SPINK5: variants seen among roughly 807,000 people sequenced by gnomAD.
SPINK5 encodes serine protease inhibitor Kazal-type 5.
A neutral mutation model predicts 151.8 loss-of-function variants in SPINK5; 125 were observed. The ratio of observed to expected loss-of-function variants is 0.82; its 90% CI spans 0.71 to 0.96. SPINK5 has a LOEUF of 0.96. Ranked by LOEUF, SPINK5 falls within the 40% of genes least tolerant of loss-of-function variation. SPINK5 has a pLI of 0.00. For missense variants in SPINK5, 1,194 were observed against 1,291.9 expected (o/e 0.92, Z 1.16); for synonymous variants, 374 against 395.3 (o/e 0.95, Z 0.64).
intron 4 of SPINK5, among the ~76,000 whole-genome samples, chr5:148,073,557 C>T (rs1752796257): frequency 6.6e-6 from 1 of 151,658 alleles, no homozygotes; most frequent in Admixed American, 6.6e-5. Context: ...CATCCATTCT[C>T]CTCTTCCTCC....
At chr5:148,066,538 T>A (rs1055768992) in intron 2 of SPINK5, among the ~76,000 whole-genome samples, 4 of 152,160 alleles carry the variant, frequency 2.6e-5, no homozygotes, top group African/African-American at 9.6e-5. Flanking sequence ...TTAAAGAAAC[T>A]TCTTACATGA....
At chr5:148,136,894 TTTGA>T in intron 32 of SPINK5, 85 bp from the exon 33 acceptor site, 1 of 1,517,322 alleles carries the variant, frequency 6.6e-7, no homozygotes, top group Non-Finnish European at 9.1e-7. Flanking sequence ...TATGGATTTC[TTTGA>T]TTAAGATGCA....
chr5:148,107,910 G>GA (rs1459211909), intron 17 of SPINK5, among the ~76,000 whole-genome samples: 1 of 152,090 alleles, frequency 6.6e-6, no homozygotes, highest in African/African-American at 2.4e-5. Context: ...TAAATGCCGA[G>GA]AAAAACGCTT....
In SPINK5 at chr5:148,114,368, T is replaced by G. The variant is rs775767273; in HGVS notation, c.1894T>G (p.Cys632Gly). 6 of 1,611,758 alleles carry G rather than the reference T, an allele frequency of 3.7e-6. No individual in the cohort carries two copies. The highest frequency in any genetic ancestry group is 5.1e-6 in the Non-Finnish European group (6 of 1,178,684). Residue 632 changes from cysteine to glycine, a missense_variant, in exon 21 of 33, where the codon TGC (cysteine) becomes GGC (glycine). By Grantham distance (159) the Cys-to-Gly change is radical. Coordinates refer to ENST00000256084, the MANE Select transcript of SPINK5 (RefSeq NM_006846.4). ...KVKREAEKET[C>G]DEFRRLLQNG... ...CCTTTTCTTTTCCTTTTAGGAGACA[T>G]GCGATGAATTTCGGAGACTTTTGCA...
At chr5:148,100,850 A>G (rs1246020582) in intron 13 of SPINK5, among the ~76,000 whole-genome samples, 1 of 152,182 alleles carries the variant, frequency 6.6e-6, no homozygotes, top group Non-Finnish European at 1.5e-5. Flanking sequence ...GTTCTAGCTT[A>G]TCTCCGTGAA....
chr5:148,091,644 T>C (rs1276763833), intron 8 of SPINK5, among the ~76,000 whole-genome samples: 1 of 151,808 alleles, frequency 6.6e-6, no homozygotes, highest in African/African-American at 2.4e-5. Context: ...GAGAGTGTTT[T>C]AAACACTATA....
intron 19 of SPINK5, among the ~76,000 whole-genome samples, chr5:148,112,620 C>A (rs886865381): frequency 8.6e-5 from 13 of 151,972 alleles, no homozygotes; most frequent in African/African-American, 3.1e-4. Flanking sequence ...TTTCAGTGAG[C>A]CAAGATCGCG....
intron 13 of SPINK5, 41 bp downstream of exon 13, chr5:148,100,622 GTTCT>G (rs1451340007): frequency 3.7e-6 from 6 of 1,608,042 alleles, no homozygotes; most frequent in Middle Eastern, 1.7e-4. Context: ...GAATGATTTT[GTTCT>G]TTCTATTTCA....
At chr5:148,095,715 C>A in intron 9 of SPINK5, 103 bp from the exon 10 acceptor site, 1 of 1,006,846 alleles carries the variant, frequency 9.9e-7, no homozygotes, top group Non-Finnish European at 1.5e-6. Context: ...AGTGTTTGTA[C>A]TAAAACTCAG....
chr5:148,096,079 A>C (rs1363884348), intron 10 of SPINK5, among the ~76,000 whole-genome samples, 174 bp downstream of exon 10: 1 of 151,958 alleles, frequency 6.6e-6, no homozygotes, highest in African/African-American at 2.4e-5. Flanking sequence ...ACTTAGATTA[A>C]AAAATTATGG....
At chr5:148,107,214 C>T (rs1394825043) in intron 17 of SPINK5, 50 bp downstream of exon 17, 4 of 1,597,490 alleles carry the variant, frequency 2.5e-6, no homozygotes, top group Non-Finnish European at 3.4e-6. Context: ...CCATGATCGC[C>T]CCTGAGTCTC....
intron 20 of SPINK5, 30 bp downstream of exon 20, chr5:148,112,964 G>C (rs1269339141): frequency 3.7e-6 from 6 of 1,612,228 alleles, no homozygotes; most frequent in Non-Finnish European, 5.1e-6. Context: ...ATACTGCAAT[G>C]AAAGGATGAG....
At chr5:148,069,819 T>C (rs796446023) in intron 2 of SPINK5, among the ~76,000 whole-genome samples, 7 of 152,174 alleles carry the variant, frequency 4.6e-5, no homozygotes, top group African/African-American at 1.7e-4. Context: ...TAAACCAGTC[T>C]AGAAACTTGT....
chr5:148,107,368 A>C (rs1401525496), intron 17 of SPINK5, among the ~76,000 whole-genome samples: 1 of 152,158 alleles, frequency 6.6e-6, no homozygotes, highest in South Asian at 2.1e-4. Context: ...TTTCCAATTA[A>C]GTCAAGGGAA....
chr5:148,082,694 C>T lies in SPINK5; in HGVS notation c.283-3711C>T, dbSNP rs1319027410. Among the ~76,000 whole-genome samples the T allele has an allele frequency of 3.9e-4, 7 of 17,754 alleles. 2 individuals are homozygous for T. The highest frequency in any genetic ancestry group is 5.1e-4 in the Non-Finnish European group (6 of 11,728). The allele number at this position is 17,754 out of a possible 152,430, so 11.6% of individuals were successfully genotyped here. A position where few individuals can be genotyped will look rare whatever the true frequency, so the allele number is the denominator to read the frequency against. ...CGCAATCTCGGCTCACTGCAGGCTC[C>T]GCCCCCTGGGGTTCACGCCATTCTC... On this transcript the variant is annotated intron_variant, in intron 4 of 32. Transcript: ENST00000256084.
Position 148,127,080 on chromosome 5 carries a change from G to T in SPINK5, c.2964+1G>T. On this transcript the variant is annotated splice_donor_variant, in intron 30 of 32. Transcript: ENST00000256084. LOFTEE classifies it high-confidence loss of function. ...CAGCCCAGACTCTTTCAGTTCTCTG[G>T]TAAGGAGGACTATTTCTGAAAAGCT... 8 of 1,608,888 alleles carry T rather than the reference G, an allele frequency of 5.0e-6. No homozygotes were observed. The highest frequency in any genetic ancestry group is 6.8e-6 in the Non-Finnish European group (8 of 1,176,088).
intron 15 of SPINK5, among the ~76,000 whole-genome samples, chr5:148,104,229 A>G (rs913194140): frequency 5.3e-5 from 8 of 152,170 alleles, no homozygotes; most frequent in Non-Finnish European, 8.8e-5. Context: ...AAGATGAGGA[A>G]GGCACAGAGA....
At chr5:148,110,427 C>T (rs985704816) in intron 18 of SPINK5, among the ~76,000 whole-genome samples, 17 of 152,146 alleles carry the variant, frequency 1.1e-4, no homozygotes, top group African/African-American at 3.4e-4. Flanking sequence ...TTTCATGGCT[C>T]AGACTGTGTG....
intron 10 of SPINK5, among the ~76,000 whole-genome samples, chr5:148,096,715 T>C (rs1753470939): frequency 6.6e-6 from 1 of 150,652 alleles, no homozygotes; most frequent in Admixed American, 6.6e-5. Context: ...ATTTTCTTTC[T>C]TTCTTTCTTT....
Sources: allele counts gnomAD v4.1 joint callset (sites outside exome capture counted in the v4.1 genomes callset), GRCh38; gene constraint gnomAD v4.1.1; transcripts MANE v1.5; gene names NCBI Gene and HGNC (gene_info 2026-07-23, HGNC 2026-07-21).